The following MAF variants were observed in gnomAD, a reference collection of about 807,000 sequenced individuals.
MAF encodes transcription factor Maf.
MAF carries 10 observed loss-of-function variants against 22.0 expected under a neutral mutation model. The observed-to-expected ratio is 0.45, with a 90% CI of 0.28 to 0.77. MAF has a LOEUF of 0.77. MAF is among the 30% of genes least tolerant of loss of function. The probability of loss-of-function intolerance (pLI) is 0.12; values close to 1 mark genes in which losing one functional copy is unlikely to be tolerated. For missense variants in MAF, 544 were observed against 548.4 expected (o/e 0.99, Z 0.08); for synonymous variants, 337 against 255.8 (o/e 1.32, Z -3.03).
rs1016178451 is a variant in MAF at position 79,600,076 on chromosome 16, C to T, written c.-174G>A. Reference sequence around the variant, plus strand: ...TCCGAGCGCGCTCACACACACACCCCCCCGCCCTGCCCGCGCCCCCCGCGC... The same window carrying T: ...TCCGAGCGCGCTCACACACACACCCTCCCGCCCTGCCCGCGCCCCCCGCGC... On this transcript the variant is annotated 5_prime_UTR_variant, in exon 1 of 2. Coordinates refer to ENST00000326043, the MANE Select transcript of MAF (RefSeq NM_005360.5). 4.1e-6 allele frequency: 3 copies of T among 740,726 alleles called. No homozygotes were observed. In the Admixed American group the frequency reaches 1.1e-4, roughly 26 times the overall value. 45.9% of individuals were successfully genotyped at this position (740,726 alleles called of 1,614,324 possible). A position where few individuals can be genotyped will look rare whatever the true frequency, so the allele number is the denominator to read the frequency against.
the MAF span, among the ~76,000 whole-genome samples, chr16:79,271,567 A>G: frequency 6.6e-6 from 1 of 152,230 alleles, no homozygotes. Context: ...TAATTCAAGC[A>G]TTAAAATAAT....
intron 1 of MAF, chr16:79,595,786 T>C: frequency 1.9e-6 from 2 of 1,057,076 alleles, no homozygotes; most frequent in Non-Finnish European, 2.3e-6. Flanking sequence ...CTCATCCAGG[T>C]AGAGAAGTTC....
At position 79,594,200 on chromosome 16, in the gene MAF, T is replaced by A. The variant is rs1443418326; in HGVS notation, c.*260A>T. On this transcript the variant is annotated 3_prime_UTR_variant, in exon 2 of 2. Coordinates refer to ENST00000326043, the MANE Select transcript of MAF (RefSeq NM_005360.5). ...AATTTCAGTGAATTTTTAAAACTAG[T>A]ATGGCAGGTTGAAAGCAATGCACCT... The A allele has an allele frequency of 6.5e-6, 3 of 461,796 alleles. No individual in the cohort carries two copies. Among genetic ancestry groups the A allele is most frequent in the African/African-American group, 5.8e-5 (3 of 51,822 alleles). 28.6% of individuals were successfully genotyped at this position (461,796 alleles called of 1,614,324 possible).
the MAF span, among the ~76,000 whole-genome samples, chr16:79,341,513 G>A: frequency 2.0e-4 from 30 of 152,244 alleles, no homozygotes; most frequent in Middle Eastern, 3.4e-3. Flanking sequence ...TAGCCACAGT[G>A]GAATATTTAC....
the MAF span, among the ~76,000 whole-genome samples, chr16:79,466,120 G>T: frequency 6.6e-6 from 1 of 152,160 alleles, no homozygotes; most frequent in African/African-American, 2.4e-5. Flanking sequence ...CTCCAGACAA[G>T]TCCAGCCTTA....
At chr16:79,513,775 G>C in the MAF span, among the ~76,000 whole-genome samples, 1 of 152,152 alleles carries the variant, frequency 6.6e-6, no homozygotes, top group Admixed American at 6.5e-5. Flanking sequence ...TGGTGTGTAG[G>C]ACACGTTCCA....
the MAF span, among the ~76,000 whole-genome samples, chr16:79,507,647 G>C: frequency 6.6e-6 from 1 of 151,782 alleles, no homozygotes; most frequent in Non-Finnish European, 1.5e-5. Context: ...GGATGGTCTC[G>C]ATCTCCTGAC....
chr16:79,252,696 G>C, the MAF span, among the ~76,000 whole-genome samples: 2 of 152,052 alleles, frequency 1.3e-5, no homozygotes, highest in African/African-American at 2.4e-5. Context: ...CACCATGTTG[G>C]CCAGGCTGGC....
chr16:79,528,065 C>A, the MAF span, among the ~76,000 whole-genome samples: 32 of 152,142 alleles, frequency 2.1e-4, no homozygotes, highest in Non-Finnish European at 4.0e-4. Flanking sequence ...TCACTTGAAC[C>A]TGGGAGGTGG....
At chr16:79,210,626 A>G in the MAF span, among the ~76,000 whole-genome samples, 1 of 152,186 alleles carries the variant, frequency 6.6e-6, no homozygotes, top group African/African-American at 2.4e-5. Flanking sequence ...ACACATAAAT[A>G]ATCATAAGAT....
chr16:79,290,665 A>G, the MAF span, among the ~76,000 whole-genome samples: 1 of 152,124 alleles, frequency 6.6e-6, no homozygotes, highest in Admixed American at 6.5e-5. Flanking sequence ...TCTATTACAT[A>G]AAACGGGTGT....
At chr16:79,351,993 G>C in the MAF span, among the ~76,000 whole-genome samples, 6 of 152,176 alleles carry the variant, frequency 3.9e-5, no homozygotes, top group African/African-American at 1.4e-4. Flanking sequence ...AAATGTCACC[G>C]TTGAGATGAC....
chr16:79,450,402 G>C, the MAF span, among the ~76,000 whole-genome samples: 1 of 152,226 alleles, frequency 6.6e-6, no homozygotes, highest in African/African-American at 2.4e-5. Flanking sequence ...CTCTTGCAAA[G>C]AATTCCAAGT....
the MAF span, among the ~76,000 whole-genome samples, chr16:79,501,908 G>T: frequency 6.6e-6 from 1 of 152,044 alleles, no homozygotes; most frequent in Admixed American, 6.6e-5. Context: ...TTTTTCCCCC[G>T]CCAGCGGCTT....
the MAF span, among the ~76,000 whole-genome samples, chr16:79,456,798 C>T: frequency 6.6e-6 from 1 of 152,166 alleles, no homozygotes; most frequent in Middle Eastern, 3.2e-3. Flanking sequence ...GGAGTCTCCT[C>T]TTCTTTTTGG....
the MAF span, among the ~76,000 whole-genome samples, chr16:79,390,260 A>G: frequency 0.66 from 99,965 of 151,506 alleles, 34,007 homozygotes; most frequent in East Asian, 0.96. Flanking sequence ...CCAACCTCCC[A>G]TATTACTGTC....
At chr16:79,427,692 G>T in the MAF span, among the ~76,000 whole-genome samples, 1 of 151,950 alleles carries the variant, frequency 6.6e-6, no homozygotes, top group East Asian at 1.9e-4. Context: ...TGCTTGCCTG[G>T]AAAGCCGTTC....
chr16:79,564,191 C>T, the MAF span, among the ~76,000 whole-genome samples: 2 of 152,206 alleles, frequency 1.3e-5, no homozygotes, highest in African/African-American at 4.8e-5. Context: ...GGCAGCGTTC[C>T]TCCTCTTTAC....
chr16:79,577,014 T>G, the MAF span, among the ~76,000 whole-genome samples: 1 of 152,206 alleles, frequency 6.6e-6, no homozygotes, highest in Admixed American at 6.5e-5. Flanking sequence ...ACCTGATACT[T>G]TACACATTAC....
Sources: allele counts gnomAD v4.1 joint callset (sites outside exome capture counted in the v4.1 genomes callset), GRCh38; gene constraint gnomAD v4.1.1; transcripts MANE v1.5; gene names NCBI Gene and HGNC (gene_info 2026-07-23, HGNC 2026-07-21).